The following NRXN1 variants were observed in gnomAD, a reference collection of about 807,000 sequenced individuals.
The protein encoded by NRXN1 is neurexin 1, also known as neurexin-1.
Under a neutral mutation model 150.9 loss-of-function variants are expected in NRXN1, and 39 were observed. The observed-to-expected ratio is 0.26, with a 90% CI of 0.20 to 0.34. The LOEUF is 0.34. NRXN1 is among the 10% of genes least tolerant of loss of function. The pLI is 1.00. For missense variants in NRXN1, 1,815 were observed against 1,949.9 expected, an observed-to-expected ratio of 0.93 and a Z score of 1.30; for synonymous variants, 924 against 757.0, an observed-to-expected ratio of 1.22 and a Z score of -3.62.
intron 8 of NRXN1, among the ~76,000 whole-genome samples, chr2:50,594,063 A>C (rs891811479): frequency 4.6e-5 from 7 of 152,178 alleles, no homozygotes; most frequent in Non-Finnish European, 7.3e-5. Flanking sequence ...AGAAAGACTT[A>C]TTTGCTTCGC....
chr2:50,472,205 C>CG, intron 16 of NRXN1, 93 bp downstream of exon 16: 2 of 1,097,512 alleles, frequency 1.8e-6, no homozygotes, highest in Non-Finnish European at 2.4e-6. Flanking sequence ...GGTATTTGAC[C>CG]AGTTATCAGA....
chr2:49,997,464 C>T (rs6733024), intron 21 of NRXN1, among the ~76,000 whole-genome samples: 85,065 of 151,938 alleles, frequency 0.56, 24,658 homozygotes, highest in African/African-American at 0.69. Flanking sequence ...GATGAATTCA[C>T]GAATGGAGAA....
chr2:50,758,856 T>C (rs1475958625), intron 5 of NRXN1, among the ~76,000 whole-genome samples: 1 of 151,822 alleles, frequency 6.6e-6, no homozygotes, highest in Non-Finnish European at 1.5e-5. Context: ...AGGTAATGAG[T>C]GTGGTCTATC....
At chr2:50,434,043 ATTTT>A (rs748364051) in intron 17 of NRXN1, among the ~76,000 whole-genome samples, 10,087 of 71,504 alleles carry the variant, frequency 0.14, 1,742 homozygotes, top group East Asian at 0.49. Context: ...TATCTAAGCC[ATTTT>A]TTTTTTTTTT....
At chr2:50,158,529 T>G (rs943448201) in intron 18 of NRXN1, among the ~76,000 whole-genome samples, 1 of 152,206 alleles carries the variant, frequency 6.6e-6, no homozygotes, top group Non-Finnish European at 1.5e-5. Flanking sequence ...GTCCTAATCT[T>G]GATTTTTCTT....
intron 17 of NRXN1, among the ~76,000 whole-genome samples, chr2:50,331,458 A>G (rs2076831431): frequency 6.6e-6 from 1 of 152,176 alleles, no homozygotes; most frequent in Non-Finnish European, 1.5e-5. Context: ...GTATAACTCC[A>G]CACCAAAAAC....
intron 17 of NRXN1, among the ~76,000 whole-genome samples, chr2:50,269,608 GAAGTT>G (rs1346208715): frequency 3.3e-5 from 5 of 152,108 alleles, no homozygotes; most frequent in East Asian, 1.9e-4. Flanking sequence ...TTTATAGCTA[GAAGTT>G]AAGTCCAGTA....
chr2:50,820,444 A>C (rs1384847373), intron 5 of NRXN1, among the ~76,000 whole-genome samples: 1 of 152,078 alleles, frequency 6.6e-6, no homozygotes, highest in African/African-American at 2.4e-5. Context: ...AAGAAGCTTG[A>C]CTGTAATATT....
intron 18 of NRXN1, among the ~76,000 whole-genome samples, chr2:50,223,991 G>A (rs1024904399): frequency 6.6e-6 from 1 of 151,876 alleles, no homozygotes; most frequent in African/African-American, 2.4e-5. Flanking sequence ...AAGCAGCAAA[G>A]ATACCTATAA....
intron 19 of NRXN1, among the ~76,000 whole-genome samples, chr2:50,057,955 T>C (rs1465499462): frequency 2.0e-5 from 3 of 152,138 alleles, no homozygotes; most frequent in African/African-American, 7.2e-5. Flanking sequence ...ACATAGTTAT[T>C]ATTAGTAGGG....
At chr2:50,277,780 T>G (rs2070753240) in intron 17 of NRXN1, among the ~76,000 whole-genome samples, 1 of 152,068 alleles carries the variant, frequency 6.6e-6, no homozygotes. Context: ...AGCATAAAAA[T>G]TTCAGGATTG....
At chr2:50,376,771 A>C (rs2080530183) in intron 17 of NRXN1, among the ~76,000 whole-genome samples, 1 of 152,084 alleles carries the variant, frequency 6.6e-6, no homozygotes, top group African/African-American at 2.4e-5. Flanking sequence ...TAGGATAAAG[A>C]ATCACAGATT....
chr2:49,974,000 T>C (rs1210908905), intron 21 of NRXN1: 4 of 717,342 alleles, frequency 5.6e-6, no homozygotes, highest in South Asian at 1.5e-5. Context: ...CTCATATCCA[T>C]GTCTGTCTGG....
At chr2:50,775,649 G>C (rs1209083313) in intron 5 of NRXN1, among the ~76,000 whole-genome samples, 2 of 152,086 alleles carry the variant, frequency 1.3e-5, no homozygotes, top group Non-Finnish European at 2.9e-5. Flanking sequence ...TCAGTGTTCT[G>C]TCCAGGTGGT....
chr2:50,659,342 G>A (rs973045488), intron 5 of NRXN1, among the ~76,000 whole-genome samples: 1 of 151,946 alleles, frequency 6.6e-6, no homozygotes, highest in Non-Finnish European at 1.5e-5. Context: ...ACGTTCATTT[G>A]ATAGGCCTAT....
chr2:50,100,025 T>A (rs1336185480), intron 18 of NRXN1, among the ~76,000 whole-genome samples: 1 of 152,124 alleles, frequency 6.6e-6, no homozygotes, highest in Non-Finnish European at 1.5e-5. Flanking sequence ...CTAGTTGAGT[T>A]TTTTGAAACA....
intron 18 of NRXN1, among the ~76,000 whole-genome samples, chr2:50,209,110 C>G (rs1309078585): frequency 1.3e-5 from 2 of 152,086 alleles, no homozygotes; most frequent in African/African-American, 4.8e-5. Context: ...GTGAACTACT[C>G]TAAACACTGA....
intron 5 of NRXN1, among the ~76,000 whole-genome samples, chr2:50,694,390 A>C (rs1464938361): frequency 6.6e-6 from 1 of 152,178 alleles, no homozygotes; most frequent in African/African-American, 2.4e-5. Flanking sequence ...AATAGTTGGA[A>C]TTAAACCATA....
At chr2:50,829,618 T>C in intron 5 of NRXN1, 1 of 1,611,964 alleles carries the variant, frequency 6.2e-7, no homozygotes, top group Non-Finnish European at 8.5e-7. Flanking sequence ...TATTTCACTT[T>C]ACTACTGGGG....
Sources: allele counts gnomAD v4.1 joint callset (sites outside exome capture counted in the v4.1 genomes callset), GRCh38; gene constraint gnomAD v4.1.1; transcripts MANE v1.5; gene names NCBI Gene and HGNC (gene_info 2026-07-23, HGNC 2026-07-21).